Variants in CSMD1 observed in about 807,000 individuals in gnomAD.
CSMD1 encodes CUB and sushi domain-containing protein 1.
In CSMD1, 213 loss-of-function variants were observed where a neutral mutation model predicts 417.5. The observed-to-expected ratio is 0.51, with a 90% CI of 0.46 to 0.57. CSMD1 has a LOEUF of 0.57. CSMD1 is among the 20% of genes least tolerant of loss of function. The probability of loss-of-function intolerance (pLI) is 0.00; values close to 1 mark genes in which losing one functional copy is unlikely to be tolerated. For missense variants in CSMD1, 6,923 were observed against 4,529.7 expected (o/e 1.53, Z -15.17); for synonymous variants, 2,862 against 1,736.8 (o/e 1.65, Z -16.11).
intron 20 of CSMD1, among the ~76,000 whole-genome samples, chr8:3,360,955 A>G (rs993387017): frequency 2.0e-5 from 3 of 151,984 alleles, no homozygotes; most frequent in African/African-American, 7.3e-5. Flanking sequence ...CTGTACCTAA[A>G]CACTTCCTTC....
At chr8:4,210,308 C>T (rs6991758) in intron 3 of CSMD1, among the ~76,000 whole-genome samples, 17,206 of 152,214 alleles carry the variant, frequency 0.11, 1,435 homozygotes, top group African/African-American at 0.23. Flanking sequence ...TGTTAGATTC[C>T]ATGTCAAGTG....
chr8:3,011,103 C>A (rs1388823546), intron 52 of CSMD1, among the ~76,000 whole-genome samples: 1 of 152,122 alleles, frequency 6.6e-6, no homozygotes, highest in African/African-American at 2.4e-5. Flanking sequence ...AAAAGAAGAA[C>A]CAATCTTATT....
At chr8:4,132,192 A>AT (rs5889019) in intron 3 of CSMD1, among the ~76,000 whole-genome samples, 2,734 of 95,750 alleles carry the variant, frequency 0.029, 117 homozygotes, top group African/African-American at 0.096. Flanking sequence ...TTTGTCATGG[A>AT]TTTTTTTTTT....
chr8:3,164,695 G>A (rs1026507678), intron 37 of CSMD1, among the ~76,000 whole-genome samples: 3 of 151,994 alleles, frequency 2.0e-5, no homozygotes, highest in South Asian at 2.1e-4. Context: ...CTAAGTCATC[G>A]TCATTCTGAG....
At chr8:4,081,360 G>A (rs1485159754) in intron 3 of CSMD1, among the ~76,000 whole-genome samples, 1 of 152,144 alleles carries the variant, frequency 6.6e-6, no homozygotes, top group Non-Finnish European at 1.5e-5. Context: ...GGTATTGTGT[G>A]AATTACAAAC....
chr8:3,109,158 G>C lies in CSMD1; in HGVS notation c.6609-410C>G, dbSNP rs181588378. ...CACGCACTTGTAGTCCCAGCTACTC[G>C]GCAGGCTAAGGCAGGAGAATTGCTT... On this transcript the variant is annotated intron_variant, in intron 43 of 69. Coordinates refer to ENST00000635120, the MANE Select transcript of CSMD1 (RefSeq NM_033225.6). 8.5e-5 allele frequency among the ~76,000 whole-genome samples: 13 copies of C among 152,258 alleles called. No homozygotes were observed. In the East Asian group the frequency reaches 2.3e-3, roughly 27 times the overall value.
intron 6 of CSMD1, among the ~76,000 whole-genome samples, chr8:3,733,205 A>ACACACACACACACACACACT (rs1554525004): frequency 2.3e-5 from 2 of 87,090 alleles, no homozygotes; most frequent in East Asian, 5.8e-4. Context: ...ACACACACAC[A>ACACACACACACACACACACT]CTCTCTCTCT....
intron 2 of CSMD1, among the ~76,000 whole-genome samples, chr8:4,462,580 G>A (rs1010846143): frequency 6.6e-6 from 1 of 152,096 alleles, no homozygotes; most frequent in African/African-American, 2.4e-5. Flanking sequence ...ATACCTACCT[G>A]ATTCAGCACT....
At chr8:4,825,541 T>G (rs1228950165) in intron 1 of CSMD1, among the ~76,000 whole-genome samples, 1 of 151,886 alleles carries the variant, frequency 6.6e-6, no homozygotes, top group Non-Finnish European at 1.5e-5. Context: ...TTCTACTCTC[T>G]GCTTATATGT....
chr8:3,956,727 G>C (rs542034932), intron 5 of CSMD1, among the ~76,000 whole-genome samples: 1 of 152,094 alleles, frequency 6.6e-6, no homozygotes, highest in Non-Finnish European at 1.5e-5. Flanking sequence ...AGGAAGTTCA[G>C]TTGGGCTGAA....
At chr8:4,898,054 T>C (rs996396215) in intron 1 of CSMD1, among the ~76,000 whole-genome samples, 4 of 152,086 alleles carry the variant, frequency 2.6e-5, no homozygotes, top group African/African-American at 9.7e-5. Flanking sequence ...GAAAATTTGG[T>C]TTTATTAGTT....
intron 5 of CSMD1, among the ~76,000 whole-genome samples, chr8:3,896,265 C>T (rs1057010579): frequency 6.6e-6 from 1 of 152,136 alleles, no homozygotes; most frequent in Non-Finnish European, 1.5e-5. Flanking sequence ...CCTTCCAGAA[C>T]TTGTATCTGT....
chr8:3,953,250 AAGG>A (rs1811707434), intron 5 of CSMD1, among the ~76,000 whole-genome samples: 1 of 152,284 alleles, frequency 6.6e-6, no homozygotes, highest in African/African-American at 2.4e-5. Flanking sequence ...TATAGGAGTT[AAGG>A]AGAAGTTTTT....
intron 1 of CSMD1, among the ~76,000 whole-genome samples, chr8:4,638,468 G>T (rs755343315): frequency 1.3e-5 from 2 of 152,162 alleles, no homozygotes; most frequent in Non-Finnish European, 2.9e-5. Flanking sequence ...TAAGTTAAAT[G>T]ACGCTAAAAT....
At chr8:4,389,282 G>T (rs931765788) in intron 3 of CSMD1, among the ~76,000 whole-genome samples, 4 of 152,136 alleles carry the variant, frequency 2.6e-5, no homozygotes, top group African/African-American at 9.7e-5. Context: ...AGAACCAGGA[G>T]AATTAGAAAA....
At chr8:4,318,855 A>G (rs564708788) in intron 3 of CSMD1, among the ~76,000 whole-genome samples, 2 of 152,208 alleles carry the variant, frequency 1.3e-5, no homozygotes, top group Non-Finnish European at 2.9e-5. Flanking sequence ...GCATCTTACA[A>G]GATAGATAAC....
At chr8:4,436,158 G>C (rs1294008279) in intron 2 of CSMD1, among the ~76,000 whole-genome samples, 1 of 152,134 alleles carries the variant, frequency 6.6e-6, no homozygotes, top group African/African-American at 2.4e-5. Context: ...GATATTGAGA[G>C]AGTTAGATTT....
intron 5 of CSMD1, among the ~76,000 whole-genome samples, chr8:3,814,621 GA>G (rs1801273021): frequency 6.6e-6 from 1 of 152,158 alleles, no homozygotes; most frequent in African/African-American, 2.4e-5. Flanking sequence ...ACAGCACACA[GA>G]ACGGCCTCCC....
intron 2 of CSMD1, among the ~76,000 whole-genome samples, chr8:4,488,761 G>C (rs1801545750): frequency 6.6e-6 from 1 of 152,026 alleles, no homozygotes; most frequent in African/African-American, 2.4e-5. Flanking sequence ...AGTCAGCTAT[G>C]ACCCGCGTCC....
Sources: allele counts gnomAD v4.1 joint callset (sites outside exome capture counted in the v4.1 genomes callset), GRCh38; gene constraint gnomAD v4.1.1; transcripts MANE v1.5; gene names NCBI Gene and HGNC (gene_info 2026-07-23, HGNC 2026-07-21).